STRIP1: variants seen among roughly 807,000 people sequenced by gnomAD.
The protein encoded by STRIP1 is striatin-interacting protein 1.
A neutral mutation model predicts 106.2 loss-of-function variants in STRIP1; 63 were observed. The observed-to-expected ratio is 0.59, with a 90% CI of 0.48 to 0.73. The LOEUF is 0.73. Ranked by LOEUF, STRIP1 falls within the 30% of genes least tolerant of loss-of-function variation. STRIP1 has a pLI of 0.00. For missense variants in STRIP1, 857 were observed against 1,074.8 expected (o/e 0.80, Z 2.83); for synonymous variants, 390 against 413.0 (o/e 0.94, Z 0.67).
At position 110,047,882 on chromosome 1, in the gene STRIP1, C is replaced by T; in HGVS notation, c.1661+13C>T. 1 of 1,548,368 alleles carries T rather than the reference C, an allele frequency of 6.5e-7. No homozygotes were observed. The highest frequency in any genetic ancestry group is 8.8e-7 in the Non-Finnish European group (1 of 1,142,616). ...CTGAGGAGATGCCGTGAGTATCATT[C>T]TGTGAATGAAGCAGGTGGGGCAGAA... On this transcript the variant is annotated intron_variant, in intron 15 of 20. Coordinates refer to ENST00000369795, the MANE Select transcript of STRIP1 (RefSeq NM_033088.4).
chr1:110,039,312 G>A lies in STRIP1; in HGVS notation c.460+6G>A, dbSNP rs769236396. 10 of 1,614,138 alleles carry A rather than the reference G, an allele frequency of 6.2e-6. No individual in the cohort carries two copies. In the Admixed American group the frequency reaches 1.3e-4, roughly 22 times the overall value. On this transcript the variant is annotated splice_donor_region_variant and intron_variant, in intron 4 of 20. Transcript: ENST00000369795. ...AATTCTCTATGTTGCTCAAGGTATT[G>A]AGTGGACCTCCCCAGGGTTCCCTGG...
chr1:110,035,428 C>T (rs1652404751), intron 1 of STRIP1, among the ~76,000 whole-genome samples: 1 of 152,148 alleles, frequency 6.6e-6, no homozygotes, highest in Admixed American at 6.5e-5. Context: ...GCTATTGTGC[C>T]CAGTGCGCCT....
chr1:110,039,691 A>G (rs1177385940), intron 5 of STRIP1, 176 bp downstream of exon 5: 10 of 976,510 alleles, frequency 1.0e-5, no homozygotes, highest in Non-Finnish European at 1.5e-5. Context: ...TTGAAGATTA[A>G]TGGAGACTAA....
upstream of STRIP1, among the ~76,000 whole-genome samples, chr1:110,033,750 G>A (rs898168168): frequency 6.6e-6 from 1 of 152,218 alleles, no homozygotes; most frequent in Non-Finnish European, 1.5e-5. Flanking sequence ...CCAACGTATG[G>A]AATTTGGGGG....
Position 110,034,669 on chromosome 1 carries a change from T to A in STRIP1, c.32T>A (p.Leu11Gln). The change falls in exon 1 of 21, where the codon CTG becomes CAG. Residue 11 changes from leucine to glutamine, a missense_variant. By Grantham distance (113) the Leu-to-Gln change is moderately radical. Transcript: ENST00000369795. MEPAVGGPGP[L>Q]IVNNKQPQPP... is the part of the protein sequence containing the mutation. The stretch of plus-strand genomic sequence containing the variant: ...CCGGCAGTCGGCGGTCCGGGCCCAC[T>A]GATCGTGAACAACAAACAGCCCCAG... 2 of 1,524,752 alleles carry A rather than the reference T, an allele frequency of 1.3e-6. No individual in the cohort carries two copies. The highest frequency in any genetic ancestry group is 1.8e-6 in the Non-Finnish European group (2 of 1,137,034). 94.5% of individuals were successfully genotyped at this position (1,524,752 alleles called of 1,614,324 possible).
At chr1:110,045,576 C>A (rs1429330167) in intron 12 of STRIP1, 1 of 153,436 alleles carries the variant, frequency 6.5e-6, no homozygotes, top group Non-Finnish European at 1.4e-5. Context: ...TGCCCACGTT[C>A]TCAGGCGGTT....
intron 5 of STRIP1, 28 bp downstream of exon 5, chr1:110,039,543 G>A (rs1218317384): frequency 6.3e-7 from 1 of 1,581,502 alleles, no homozygotes; most frequent in Non-Finnish European, 8.6e-7. Flanking sequence ...GCTGAGTAGG[G>A]AAGGGGAGGC....
chr1:110,038,572 C>T, intron 2 of STRIP1, 111 bp from the exon 3 acceptor site: 3 of 790,552 alleles, frequency 3.8e-6, no homozygotes, highest in Non-Finnish European at 6.4e-6. Flanking sequence ...GTCACTATGA[C>T]TCAGGGGCAG....
intron 17 of STRIP1, 28 bp from the exon 18 acceptor site, chr1:110,050,315 G>T: frequency 6.2e-7 from 1 of 1,612,662 alleles, no homozygotes; most frequent in South Asian, 1.1e-5. Context: ...TGCTCATGGT[G>T]GGCATCTGGT....
chr1:110,037,998 T>C, intron 2 of STRIP1, 38 bp downstream of exon 2: 2 of 1,404,648 alleles, frequency 1.4e-6, no homozygotes, highest in Non-Finnish European at 2.0e-6. Flanking sequence ...GGGGTGGTTT[T>C]TTCCTTATTG....
chr1:110,049,347 A>G (rs1400430142), intron 16 of STRIP1, 109 bp downstream of exon 16: 12 of 1,573,984 alleles, frequency 7.6e-6, no homozygotes, highest in Admixed American at 1.7e-5. Context: ...TGAACTCTGC[A>G]TGAATGTTCT....
intron 1 of STRIP1, among the ~76,000 whole-genome samples, chr1:110,035,430 A>G (rs1652404866): frequency 6.6e-6 from 1 of 152,220 alleles, no homozygotes; most frequent in African/African-American, 2.4e-5. Flanking sequence ...TATTGTGCCC[A>G]GTGCGCCTGA....
chr1:110,041,689 G>A (rs568414325), intron 7 of STRIP1, 45 bp from the exon 8 acceptor site: 5 of 1,614,152 alleles, frequency 3.1e-6, no homozygotes, highest in East Asian at 2.2e-5. Flanking sequence ...GGAAGCTGAG[G>A]CGGAAGGCTT....
intron 17 of STRIP1, chr1:110,050,102 C>G (rs1653221764): frequency 1.9e-6 from 1 of 522,646 alleles, no homozygotes; most frequent in Admixed American, 3.4e-5. Context: ...CTGTGAGGGT[C>G]TCTTCCCCTT....
rs1653410567 is a variant in STRIP1 at position 110,053,760 on chromosome 1, A to G, written c.2362A>G (p.Ser788Gly). 1.2e-6 allele frequency: 2 copies of G among 1,614,142 alleles called. No homozygotes were observed. The highest frequency in any genetic ancestry group is 1.7e-6 in the Non-Finnish European group (2 of 1,180,036). Residue 788 changes from serine to glycine, a missense_variant, in exon 21 of 21, where the codon AGC becomes GGC. Ser to Gly is a moderately conservative substitution (Grantham distance 56). Around this residue, in one of 2 missense-constraint regions of STRIP1, gnomAD observed 750 missense variants for 989.8 expected, o/e 0.76. Transcript: ENST00000369795. Reference protein sequence around the residue: ...FNARRYDRAHSNPDFLPVDNC... With the variant: ...FNARRYDRAHGNPDFLPVDNC... ...CGCCCGGCGCTATGACCGGGCCCAC[A>G]GCAACCCTGACTTCCTGCCAGTGGA...
chr1:110,034,603 T>C, upstream of STRIP1: 1 of 1,477,934 alleles, frequency 6.8e-7, no homozygotes, highest in Non-Finnish European at 8.9e-7. Context: ...ACGGCGGCTG[T>C]GCGCGAGTTA....
upstream of STRIP1, among the ~76,000 whole-genome samples, chr1:110,032,797 A>G (rs1191587204): frequency 1.3e-5 from 2 of 152,150 alleles, no homozygotes; most frequent in Non-Finnish European, 2.9e-5. Context: ...CTCCATCTAC[A>G]TGGTCCCCTA....
chr1:110,038,307 G>GCTGCCA (rs201490227), intron 2 of STRIP1: 4,067 of 206,210 alleles, frequency 0.02, 178 homozygotes, highest in African/African-American at 0.09. Context: ...CCCATCTGCT[G>GCTGCCA]CTGCCACTGC....
chr1:110,038,904 G>A lies in STRIP1; in HGVS notation c.325+147G>A, dbSNP rs1652622891. The A allele has an allele frequency of 3.9e-6, 3 of 771,482 alleles. No homozygotes were observed. In the South Asian group the frequency reaches 5.4e-5, roughly 14 times the overall value. 47.8% of individuals were successfully genotyped at this position (771,482 alleles called of 1,614,324 possible). ...GATGGTTCAAAGCCAGATACATGTA[G>A]AGTGGGCTTGTGGCACATCGGTGGG... On this transcript the variant is annotated intron_variant, in intron 3 of 20. Coordinates refer to ENST00000369795, the MANE Select transcript of STRIP1 (RefSeq NM_033088.4).
Sources: allele counts gnomAD v4.1 joint callset (sites outside exome capture counted in the v4.1 genomes callset), GRCh38; gene constraint gnomAD v4.1.1; regional missense constraint gnomAD v4.1.1; transcripts MANE v1.5; gene names NCBI Gene and HGNC (gene_info 2026-07-23, HGNC 2026-07-21).